Variants in USP34 observed in about 807,000 individuals in gnomAD.
USP34 encodes the protein ubiquitin carboxyl-terminal hydrolase 34.
Under a neutral mutation model 460.3 loss-of-function variants are expected in USP34, and 70 were observed. The ratio of observed to expected loss-of-function variants is 0.15; its 90% CI spans 0.13 to 0.19. The LOEUF is 0.19. Ranked by LOEUF, USP34 falls within the 10% of genes least tolerant of loss-of-function variation. USP34 has a pLI of 1.00. For synonymous variants in USP34, 1,647 were observed against 1,405.3 expected (o/e 1.17, Z -3.85); for missense variants, 3,985 against 4,236.2 (o/e 0.94, Z 1.65).
At chr2:61,442,437 A>T (rs1284863136) in intron 1 of USP34, among the ~76,000 whole-genome samples, 1 of 151,874 alleles carries the variant, frequency 6.6e-6, no homozygotes, top group Non-Finnish European at 1.5e-5. Flanking sequence ...AATCCAATTA[A>T]AAATGCACAC....
intron 75 of USP34, among the ~76,000 whole-genome samples, chr2:61,202,276 T>G (rs1686998291): frequency 6.6e-6 from 1 of 152,172 alleles, no homozygotes; most frequent in Non-Finnish European, 1.5e-5. Flanking sequence ...AAAGAAGGAC[T>G]TGCAGGGTAT....
chr2:61,323,006 T>C (rs1415248500), intron 21 of USP34, among the ~76,000 whole-genome samples: 1 of 152,168 alleles, frequency 6.6e-6, no homozygotes, highest in Non-Finnish European at 1.5e-5. Flanking sequence ...ATATTGAAAA[T>C]CAGTATTAAA....
chr2:61,230,424 G>A (rs1687859345), intron 58 of USP34, among the ~76,000 whole-genome samples: 1 of 152,162 alleles, frequency 6.6e-6, no homozygotes, highest in Admixed American at 6.5e-5. Flanking sequence ...TAAGGAAGCT[G>A]AGGCAGGGAG....
chr2:61,277,243 T>C (rs1689398483), intron 41 of USP34, among the ~76,000 whole-genome samples: 1 of 151,712 alleles, frequency 6.6e-6, no homozygotes, highest in African/African-American at 2.4e-5. Flanking sequence ...TTACCTTTTT[T>C]TTTTTTTTTT....
In USP34 at chr2:61,188,558, A is replaced by G. The variant is rs752260512; in HGVS notation, c.10185T>C (p.Ile3395=). The part of the protein sequence containing the change: ...TSDNETRDSS[I]IDPGTEQDLP... Reference sequence around the variant, plus strand: ...GATCTTGCTCAGTTCCTGGATCAATAATTGAGGAGTCTCTGGTCTCATTGT... The same window carrying G: ...GATCTTGCTCAGTTCCTGGATCAATGATTGAGGAGTCTCTGGTCTCATTGT... Residue 3395 remains isoleucine, a synonymous_variant, in exon 80 of 80, where the codon ATT becomes ATC. Coordinates refer to ENST00000398571, the MANE Select transcript of USP34 (RefSeq NM_014709.4). 1.2e-6 allele frequency: 2 copies of G among 1,614,210 alleles called. No individual in the cohort carries two copies. The highest frequency in any genetic ancestry group is 2.2e-5 in the South Asian group (2 of 91,088).
At chr2:61,227,969 C>T (rs1253818208) in intron 61 of USP34, among the ~76,000 whole-genome samples, 2 of 152,140 alleles carry the variant, frequency 1.3e-5, no homozygotes, top group Admixed American at 6.5e-5. Context: ...TTCACTTGGG[C>T]TTCTAAATGC....
chr2:61,201,384 A>AT (rs34750472), intron 75 of USP34, among the ~76,000 whole-genome samples: 6 of 151,688 alleles, frequency 4.0e-5, no homozygotes, highest in African/African-American at 7.3e-5. Flanking sequence ...TGCCTAGCTA[A>AT]TTTTTTTATT....
chr2:61,191,112 T>C (rs1558457275), intron 76 of USP34: 1 of 154,376 alleles, frequency 6.5e-6, no homozygotes, highest in African/African-American at 2.4e-5. Context: ...CTTTACTGTA[T>C]ATTCTCGCTA....
chr2:61,257,196 A>T lies in USP34; in HGVS notation c.5991+8T>A. ...TTCAAAGAAACTTTTCAGTATTCTGATACTAACCAGTTCGGGAGACATTTC... is the reference window on the plus strand; with the variant it reads ...TTCAAAGAAACTTTTCAGTATTCTGTTACTAACCAGTTCGGGAGACATTTC... On this transcript the variant is annotated splice_region_variant and intron_variant, in intron 45 of 79. Coordinates refer to ENST00000398571, the MANE Select transcript of USP34 (RefSeq NM_014709.4). 1 of 1,603,600 alleles carries T rather than the reference A, an allele frequency of 6.2e-7. No homozygotes were observed. The highest frequency in any genetic ancestry group is 8.5e-7 in the Non-Finnish European group (1 of 1,176,414).
intron 10 of USP34, among the ~76,000 whole-genome samples, chr2:61,368,623 G>T (rs145182195): frequency 3.2e-4 from 49 of 152,200 alleles, no homozygotes; most frequent in Admixed American, 1.9e-3. Context: ...AGAAGAGTTA[G>T]TAAACAAATG....
intron 41 of USP34, among the ~76,000 whole-genome samples, chr2:61,271,675 G>A (rs566348604): frequency 6.6e-6 from 1 of 152,236 alleles, no homozygotes; most frequent in East Asian, 1.9e-4. Context: ...GTAAAAGAAA[G>A]AAGAAAGAGG....
chr2:61,334,075 G>C (rs1691348515), intron 18 of USP34, 104 bp from the exon 19 acceptor site: 1 of 725,956 alleles, frequency 1.4e-6, no homozygotes, highest in African/African-American at 1.8e-5. Flanking sequence ...ATCTTGCATA[G>C]AGACATATTA....
chr2:61,401,178 T>C lies in USP34; in HGVS notation c.552+4530A>G, dbSNP rs764626576. 3.3e-3 allele frequency among the ~76,000 whole-genome samples: 483 copies of C among 145,548 alleles called. 10 individuals are homozygous for C. Among genetic ancestry groups the C allele is most frequent in the Non-Finnish European group, 3.1e-3 (204 of 66,008 alleles). ...AAAAAAAAAAAAAAAAATTAAAAAA[T>C]AAAACCTTCATGTATATATTTCATC... On this transcript the variant is annotated intron_variant, in intron 3 of 79. Transcript: ENST00000398571.
chr2:61,236,738 TA>T (rs1688080502), intron 53 of USP34, among the ~76,000 whole-genome samples: 7 of 152,296 alleles, frequency 4.6e-5, no homozygotes, highest in Admixed American at 3.9e-4. Flanking sequence ...GGTTTACATT[TA>T]AAAGTTGGCA....
chr2:61,370,669 G>A (rs987113574), intron 8 of USP34, 90 bp from the exon 9 acceptor site: 45 of 1,119,324 alleles, frequency 4.0e-5, no homozygotes, highest in Middle Eastern at 2.9e-4. Flanking sequence ...ACCTAAATTT[G>A]TTCCTATAGG....
chr2:61,315,099 A>G (rs1455566362), intron 23 of USP34, 125 bp from the exon 24 acceptor site: 2 of 641,632 alleles, frequency 3.1e-6, no homozygotes, highest in Admixed American at 3.4e-5. Context: ...TAATAAAAAT[A>G]AATGATTTAA....
At chr2:61,285,030 TA>T in intron 34 of USP34, 73 bp from the exon 35 acceptor site, 1 of 1,248,424 alleles carries the variant, frequency 8.0e-7, no homozygotes, top group South Asian at 1.4e-5. Flanking sequence ...ACTCAAGATT[TA>T]GTTACTAAAG....
chr2:61,386,309 A>G (rs571923989), intron 5 of USP34, among the ~76,000 whole-genome samples: 2 of 152,328 alleles, frequency 1.3e-5, no homozygotes, highest in East Asian at 3.9e-4. Context: ...TACAGAACAA[A>G]GAAGAAATGA....
intron 1 of USP34, among the ~76,000 whole-genome samples, chr2:61,452,173 CAA>C (rs1348958546): frequency 2.2e-4 from 15 of 68,694 alleles, no homozygotes; most frequent in Admixed American, 3.3e-4. Flanking sequence ...GACTCCGTCT[CAA>C]AAAAAAAAAA....
Sources: allele counts gnomAD v4.1 joint callset (sites outside exome capture counted in the v4.1 genomes callset), GRCh38; gene constraint gnomAD v4.1.1; transcripts MANE v1.5; gene names NCBI Gene and HGNC (gene_info 2026-07-23, HGNC 2026-07-21).